SLC6A17: variants seen among roughly 807,000 people sequenced by gnomAD.
SLC6A17 encodes solute carrier family 6 member 17.
Under a neutral mutation model 64.5 loss-of-function variants are expected in SLC6A17, and 21 were observed. The observed-to-expected ratio is 0.33, with a 90% confidence interval of 0.23 to 0.47. The LOEUF (loss-of-function observed/expected upper bound fraction) is 0.47. Among genes scored for constraint, SLC6A17 ranks in the 20% least tolerant of loss-of-function variants. The pLI, the probability that SLC6A17 is intolerant of heterozygous loss-of-function variation, is 1.00. For missense variants in SLC6A17, 682 were observed against 963.2 expected (o/e 0.71, Z 3.86); for synonymous variants, 372 against 399.5 (o/e 0.93, Z 0.82).
chr1:110,181,647 T>G (rs671019), intron 6 of SLC6A17, among the ~76,000 whole-genome samples: 2,615 of 152,282 alleles, frequency 0.017, 81 homozygotes, highest in African/African-American at 0.058. Context: ...GGGCATTCGG[T>G]GAGAAGAGTT....
chr1:110,187,742 G>A (rs1426504336), intron 6 of SLC6A17, among the ~76,000 whole-genome samples: 1 of 152,214 alleles, frequency 6.6e-6, no homozygotes, highest in Non-Finnish European at 1.5e-5. Flanking sequence ...AATACCAGAG[G>A]AGGCCAGCCA....
At position 110,195,663 on chromosome 1, in the gene SLC6A17, G is replaced by A; in HGVS notation, c.1570G>A (p.Asp524Asn). The stretch of plus-strand genomic sequence containing the variant: ...CGGAAACTACTTTGTCACCATGTTC[G>A]ATGACTACTCGGCCACCCTGCCACT... Reference protein sequence around the residue: ...RSGNYFVTMFDDYSATLPLTL... With the variant: ...RSGNYFVTMFNDYSATLPLTL... Residue 524 changes from aspartate to asparagine, a missense_variant, in exon 10 of 12, where the codon GAT becomes AAT. Coordinates refer to ENST00000331565, the MANE Select transcript of SLC6A17 (RefSeq NM_001010898.4). The A allele has an allele frequency of 1.2e-6, 2 of 1,614,226 alleles. No homozygotes were observed. The highest frequency in any genetic ancestry group is 8.5e-7 in the Non-Finnish European group (1 of 1,180,040).
intron 1 of SLC6A17, among the ~76,000 whole-genome samples, chr1:110,158,727 A>G (rs1655824183): frequency 6.6e-6 from 1 of 152,234 alleles, no homozygotes; most frequent in Non-Finnish European, 1.5e-5. Context: ...TCTAAAACCC[A>G]TGATAGCATT....
Position 110,159,338 on chromosome 1 carries a change from G to A in SLC6A17, c.-87-7505G>A, listed in dbSNP as rs551558803. On this transcript the variant is annotated intron_variant, in intron 1 of 11. Transcript: ENST00000331565. ...GAGCATGCGTTCTCCCACGTGAGAT[G>A]GTAAAATGGAACCACAAGATCTGTT... is the stretch of plus-strand genomic sequence containing the variant. Among the ~76,000 whole-genome samples, 24 of 152,272 alleles carry A rather than the reference G, an allele frequency of 1.6e-4. No individual in the cohort carries two copies. In the South Asian group the frequency reaches 4.8e-3, roughly 30 times the overall value.
At position 110,195,714 on chromosome 1, in the gene SLC6A17, A is replaced by T; in HGVS notation, c.1621A>T (p.Ile541Phe). The T allele has an allele frequency of 6.2e-7, 1 of 1,614,204 alleles. No individual in the cohort carries two copies. The highest frequency in any genetic ancestry group is 8.5e-7 in the Non-Finnish European group (1 of 1,180,030). The change falls in exon 10 of 12, where the codon ATC becomes TTC. Residue 541 changes from isoleucine (I) to phenylalanine (F), a missense_variant. Transcript: ENST00000331565. ...CACTCTCATCGTCATCCTTGAGAACATCGCTGTGGCCTGGATTTATGGAAC... is the reference window on the plus strand; with the variant it reads ...CACTCTCATCGTCATCCTTGAGAACTTCGCTGTGGCCTGGATTTATGGAAC... ...PLTLIVILEN[I>F]AVAWIYGTKK...
At chr1:110,173,893 G>GAAGACA in intron 3 of SLC6A17, 80 bp from the exon 4 acceptor site, 4 of 1,558,102 alleles carry the variant, frequency 2.6e-6, no homozygotes, top group African/African-American at 1.4e-5. Flanking sequence ...CGCTGCCGAC[G>GAAGACA]TGCTGGGCCT....
intron 9 of SLC6A17, chr1:110,195,123 A>C: frequency 2.4e-6 from 1 of 416,330 alleles, no homozygotes; most frequent in Non-Finnish European, 4.5e-6. Flanking sequence ...CATCTTTGTC[A>C]CTCCAGTCCC....
chr1:110,174,469 A>G (rs1377966180), intron 4 of SLC6A17, among the ~76,000 whole-genome samples: 2 of 152,096 alleles, frequency 1.3e-5, no homozygotes, highest in African/African-American at 4.8e-5. Context: ...CCAGCTCAGG[A>G]CCTTCCCCGA....
chr1:110,190,524 G>A (rs1419597296), intron 6 of SLC6A17, among the ~76,000 whole-genome samples: 1 of 152,216 alleles, frequency 6.6e-6, no homozygotes, highest in Non-Finnish European at 1.5e-5. Flanking sequence ...ATGATGGCAG[G>A]TGGGCCCTGT....
At chr1:110,195,868 G>A (rs1204410361) in intron 10 of SLC6A17, 123 bp downstream of exon 10, 1 of 1,389,102 alleles carries the variant, frequency 7.2e-7, no homozygotes, top group Non-Finnish European at 9.8e-7. Context: ...ATCATTTAGG[G>A]AAACTGAGGT....
In SLC6A17 at chr1:110,201,805, A is replaced by AC. The variant is rs1657136749; in HGVS notation, c.*3365dup. The AC allele has an allele frequency of 6.7e-6, 1 of 149,752 alleles. No homozygotes were observed. Among genetic ancestry groups the AC allele is most frequent in the South Asian group, 2.1e-4 (1 of 4,712 alleles). 9.3% of individuals were successfully genotyped at this position (149,752 alleles called of 1,614,324 possible). ...CTGCCCTTCCTCACCCCCACGCCCC[A>AC]CCCCACTCCCCCAGAGTACTCCCCA... On this transcript the variant is annotated 3_prime_UTR_variant, in exon 12 of 12. Transcript: ENST00000331565.
intron 6 of SLC6A17, among the ~76,000 whole-genome samples, chr1:110,190,384 C>T (rs947349888): frequency 6.6e-6 from 1 of 152,154 alleles, no homozygotes; most frequent in Non-Finnish European, 1.5e-5. Context: ...GACTACCATC[C>T]CCCACCTCTT....
chr1:110,172,023 C>T (rs759771500), intron 2 of SLC6A17, 37 bp from the exon 3 acceptor site: 3 of 1,609,010 alleles, frequency 1.9e-6, no homozygotes, highest in Non-Finnish European at 2.5e-6. Context: ...CTGCTGTGCT[C>T]CAGAGCCCCT....
intron 8 of SLC6A17, among the ~76,000 whole-genome samples, chr1:110,193,069 T>G (rs540844220): frequency 6.6e-6 from 1 of 152,338 alleles, no homozygotes; most frequent in East Asian, 1.9e-4. Context: ...AGTTAGTGTT[T>G]GCCCGTTGCT....
chr1:110,176,066 C>T (rs1656364882), intron 5 of SLC6A17, among the ~76,000 whole-genome samples: 1 of 152,186 alleles, frequency 6.6e-6, no homozygotes, highest in African/African-American at 2.4e-5. Context: ...TTCAGTGCAG[C>T]AAACATTTTG....
At chr1:110,151,145 C>T (rs1655590223) in intron 1 of SLC6A17, among the ~76,000 whole-genome samples, 1 of 152,366 alleles carries the variant, frequency 6.6e-6, no homozygotes, top group East Asian at 1.9e-4. Context: ...CGGGCTTCAG[C>T]TTCTGGTGCT....
At chr1:110,168,575 A>G (rs1035097710) in intron 2 of SLC6A17, among the ~76,000 whole-genome samples, 2 of 152,244 alleles carry the variant, frequency 1.3e-5, no homozygotes, top group Non-Finnish European at 2.9e-5. Flanking sequence ...ATGGCATGGT[A>G]ACTGAGTTGA....
At chr1:110,197,758 A>AG (rs1657010558) in intron 11 of SLC6A17, among the ~76,000 whole-genome samples, 159 bp downstream of exon 11, 1 of 152,264 alleles carries the variant, frequency 6.6e-6, no homozygotes, top group South Asian at 2.1e-4. Flanking sequence ...CCAAAGACAG[A>AG]GGTGGCATCA....
At chr1:110,178,677 A>C (rs1656434757) in intron 6 of SLC6A17, 1 of 153,468 alleles carries the variant, frequency 6.5e-6, no homozygotes. Flanking sequence ...TTCAGTATCT[A>C]GTGAGGACTC....
Sources: allele counts gnomAD v4.1 joint callset (sites outside exome capture counted in the v4.1 genomes callset), GRCh38; gene constraint gnomAD v4.1.1; transcripts MANE v1.5; gene names NCBI Gene and HGNC (gene_info 2026-07-23, HGNC 2026-07-21).